The following RIN3 variants were observed in gnomAD, a reference collection of about 807,000 sequenced individuals.
RIN3 encodes the protein Ras and Rab interactor 3, also known as RAB5 interacting protein 3.
In RIN3, 54 loss-of-function variants were observed where a neutral mutation model predicts 76.3. The ratio of observed to expected loss-of-function variants is 0.71; its 90% CI spans 0.57 to 0.89. The LOEUF (loss-of-function observed/expected upper bound fraction) is 0.89. Among genes scored for constraint, RIN3 ranks in the 40% least tolerant of loss-of-function variants. RIN3 has a pLI of 0.00. For missense variants in RIN3, 1,256 were observed against 1,322.1 expected, an observed-to-expected ratio of 0.95 and a Z score of 0.78; for synonymous variants, 576 against 564.0, an observed-to-expected ratio of 1.02 and a Z score of -0.30.
chr14:92,625,041 TAA>T (rs1353869348), intron 4 of RIN3, among the ~76,000 whole-genome samples: 1 of 152,230 alleles, frequency 6.6e-6, no homozygotes, highest in Middle Eastern at 3.2e-3. Flanking sequence ...GCGTTTGCGC[TAA>T]GAGACCTTTA....
chr14:92,553,587 C>T (rs1379665507), intron 1 of RIN3, among the ~76,000 whole-genome samples: 4 of 152,076 alleles, frequency 2.6e-5, no homozygotes, highest in Non-Finnish European at 5.9e-5. Context: ...CCCCGGGACA[C>T]TCATATTTTC....
intron 7 of RIN3, among the ~76,000 whole-genome samples, chr14:92,674,931 C>G (rs898273144): frequency 6.6e-6 from 1 of 151,918 alleles, no homozygotes; most frequent in Non-Finnish European, 1.5e-5. Flanking sequence ...CCTCCTCCCT[C>G]CCCTGGAAGT....
chr14:92,628,939 A>G (rs10144678), intron 4 of RIN3, among the ~76,000 whole-genome samples: 135,983 of 151,968 alleles, frequency 0.89, 61,078 homozygotes, highest in African/African-American at 0.94. Context: ...ACTGAAAGAC[A>G]GAAAAAGAAA....
Position 92,555,948 on chromosome 14 carries a change from T to C in RIN3, c.242T>C (p.Val81Ala), listed in dbSNP as rs761260950. Residue 81 changes from valine to alanine, a missense_variant, in exon 2 of 10, where the codon GTG becomes GCG. By Grantham distance (64) the Val-to-Ala change is moderately conservative (BLOSUM62 0). This residue lies in a region of RIN3 where 610 missense variants were observed against 626.4 expected (regional missense o/e 0.97). Coordinates refer to ENST00000216487, the MANE Select transcript of RIN3 (RefSeq NM_024832.5). The stretch of plus-strand genomic sequence containing the variant: ...GTGGCCAGGATCCTGCACCGGGTGG[T>C]GGCTGGGGTGAGTGGGGGCGTCTCC... ...AEVARILHRV[V>A]AGMFLVRRDS... is the part of the protein sequence containing the mutation. 1 of 1,611,552 alleles carries C rather than the reference T, an allele frequency of 6.2e-7. No individual in the cohort carries two copies. Among genetic ancestry groups the C allele is most frequent in the East Asian group, 2.2e-5 (1 of 44,884 alleles).
At chr14:92,620,489 C>T (rs1381194057) in intron 4 of RIN3, among the ~76,000 whole-genome samples, 2 of 152,014 alleles carry the variant, frequency 1.3e-5, no homozygotes, top group South Asian at 4.1e-4. Context: ...CCTCTGGGCC[C>T]GACAAAGGTA....
chr14:92,675,981 G>A (rs1291262350), intron 7 of RIN3, among the ~76,000 whole-genome samples: 1 of 152,092 alleles, frequency 6.6e-6, no homozygotes, highest in East Asian at 1.9e-4. Context: ...AAAGGGCACT[G>A]TTTACGCCAA....
At chr14:92,554,795 C>T (rs571756963) in intron 1 of RIN3, among the ~76,000 whole-genome samples, 12 of 152,122 alleles carry the variant, frequency 7.9e-5, no homozygotes, top group African/African-American at 2.4e-4. Context: ...TGGTGGTGCA[C>T]GCCTGTAATC....
intron 7 of RIN3, among the ~76,000 whole-genome samples, chr14:92,664,006 C>T (rs981048390): frequency 1.4e-4 from 21 of 152,172 alleles, no homozygotes; most frequent in African/African-American, 4.6e-4. Context: ...TATGAATGAG[C>T]GTCTAGATGT....
intron 3 of RIN3, among the ~76,000 whole-genome samples, chr14:92,581,187 T>A (rs1246474609): frequency 6.6e-6 from 1 of 152,160 alleles, no homozygotes; most frequent in African/African-American, 2.4e-5. Flanking sequence ...GGGCCAGGCC[T>A]TCTTAGCGGG....
intron 2 of RIN3, among the ~76,000 whole-genome samples, chr14:92,569,141 G>A (rs1039079744): frequency 3.9e-5 from 6 of 152,162 alleles, no homozygotes; most frequent in Non-Finnish European, 5.9e-5. Context: ...GCCTCCTCTT[G>A]CCCTGGATCT....
At chr14:92,564,816 GCA>G (rs913996014) in intron 2 of RIN3, among the ~76,000 whole-genome samples, 16 of 152,164 alleles carry the variant, frequency 1.1e-4, no homozygotes, top group African/African-American at 2.4e-4. Context: ...GAGGAAACGC[GCA>G]CACACACGCG....
intron 8 of RIN3, among the ~76,000 whole-genome samples, chr14:92,683,166 T>TA (rs553017495): frequency 0.026 from 3,778 of 143,648 alleles, 65 homozygotes; most frequent in Non-Finnish European, 0.037. Flanking sequence ...AAACTCCATC[T>TA]AAAAAAAAAA....
chr14:92,517,429 C>T (rs1315328335), intron 1 of RIN3, among the ~76,000 whole-genome samples: 1 of 152,118 alleles, frequency 6.6e-6, no homozygotes, highest in African/African-American at 2.4e-5. Flanking sequence ...CCTGGGTCAC[C>T]TAGGGGATTG....
At position 92,605,813 on chromosome 14, in the gene RIN3, A is replaced by G. The variant is rs575374486; in HGVS notation, c.368-9594A>G. Among the ~76,000 whole-genome samples, 131 of 152,348 alleles carry G rather than the reference A, an allele frequency of 8.6e-4. 2 individuals carry two copies. Among genetic ancestry groups the G allele is most frequent in the Non-Finnish European group, 1.6e-3 (106 of 68,024 alleles). ...AAAATTACAGAGAGGACTTTGGCCT[A>G]GATAAGGATAATAACTGGTTAAAGG... On this transcript the variant is annotated intron_variant, in intron 3 of 9. Transcript: ENST00000216487.
intron 3 of RIN3, among the ~76,000 whole-genome samples, chr14:92,580,080 G>A (rs999148799): frequency 6.6e-6 from 1 of 152,228 alleles, no homozygotes; most frequent in Non-Finnish European, 1.5e-5. Flanking sequence ...CCCACAGAAT[G>A]GATAAAACAC....
At chr14:92,658,135 C>G (rs1887737764) in intron 6 of RIN3, among the ~76,000 whole-genome samples, 1 of 152,222 alleles carries the variant, frequency 6.6e-6, no homozygotes, top group African/African-American at 2.4e-5. Context: ...CCAACCCACT[C>G]CATGAGAGCC....
At chr14:92,662,030 G>A (rs1887907051) in intron 7 of RIN3, among the ~76,000 whole-genome samples, 1 of 152,228 alleles carries the variant, frequency 6.6e-6, no homozygotes, top group African/African-American at 2.4e-5. Flanking sequence ...GGGGACAGCG[G>A]ACAGCCTGCA....
At chr14:92,655,075 G>T (rs950275323) in intron 6 of RIN3, among the ~76,000 whole-genome samples, 1 of 152,180 alleles carries the variant, frequency 6.6e-6, no homozygotes, top group South Asian at 2.1e-4. Context: ...TGAGGCAGGA[G>T]AATTGCTTGA....
intron 3 of RIN3, among the ~76,000 whole-genome samples, chr14:92,609,130 C>A (rs1885630762): frequency 6.6e-6 from 1 of 152,192 alleles, no homozygotes; most frequent in Non-Finnish European, 1.5e-5. Context: ...TAAGTAAGAA[C>A]ATATGATATA....
Sources: allele counts gnomAD v4.1 joint callset (sites outside exome capture counted in the v4.1 genomes callset), GRCh38; gene constraint gnomAD v4.1.1; regional missense constraint gnomAD v4.1.1; transcripts MANE v1.5; gene names NCBI Gene and HGNC (gene_info 2026-07-23, HGNC 2026-07-21).